Variants in LIN28B observed in about 807,000 individuals in gnomAD.
LIN28B encodes the protein lin-28 RNA binding posttranscriptional regulator B, also known as protein lin-28 homolog B.
LIN28B carries 5 observed loss-of-function variants against 21.9 expected under a neutral mutation model. That is an observed-to-expected ratio of 0.23 (90% CI 0.12 to 0.48). LIN28B has a LOEUF of 0.48. LIN28B is among the 20% of genes least tolerant of loss of function. LIN28B has a pLI of 0.98. For synonymous variants in LIN28B, 109 were observed against 111.3 expected (o/e 0.98, Z 0.13); for missense variants, 245 against 310.5 (o/e 0.79, Z 1.58).
chr6:104,957,377 C>T (rs1778306227), intron 1 of LIN28B, 117 bp downstream of exon 1: 3 of 523,120 alleles, frequency 5.7e-6, no homozygotes, highest in South Asian at 2.0e-5. Flanking sequence ...CAATACTGGG[C>T]ATTACCTCCC....
chr6:105,050,016 T>C (rs1266223906), intron 3 of LIN28B, among the ~76,000 whole-genome samples: 1 of 152,186 alleles, frequency 6.6e-6, no homozygotes, highest in Non-Finnish European at 1.5e-5. Context: ...AGGTTAATAT[T>C]GTTATGTGTG....
At chr6:104,939,811 G>A (rs766033822) in intron 2 of LIN28B, among the ~76,000 whole-genome samples, 33 of 152,108 alleles carry the variant, frequency 2.2e-4, no homozygotes, top group Non-Finnish European at 4.4e-4. Flanking sequence ...AGATTACAAG[G>A]CGATATTCGA....
intron 2 of LIN28B, chr6:104,940,803 T>A (rs1778075751): frequency 6.6e-6 from 1 of 151,174 alleles, no homozygotes; most frequent in South Asian, 2.1e-4. Flanking sequence ...CGCCCGGCTG[T>A]TCCGCGTCCC....
intron 3 of LIN28B, among the ~76,000 whole-genome samples, chr6:105,057,010 C>G (rs949695993): frequency 6.6e-6 from 1 of 152,156 alleles, no homozygotes; most frequent in Non-Finnish European, 1.5e-5. Context: ...TAGCTGTAGA[C>G]CACAGAAGAG....
chr6:105,023,592 A>T (rs187150974), intron 2 of LIN28B, among the ~76,000 whole-genome samples: 882 of 1,668 alleles, frequency 0.53, 260 homozygotes, highest in Middle Eastern at 1. Flanking sequence ...TATTATATAT[A>T]TTATATATAT....
intron 2 of LIN28B, among the ~76,000 whole-genome samples, chr6:105,015,092 AGTT>A (rs764013637): frequency 2.6e-5 from 4 of 152,026 alleles, no homozygotes; most frequent in African/African-American, 7.2e-5. Context: ...TTTTTCCCCC[AGTT>A]GTTCTGTTAA....
intron 1 of LIN28B, 27 bp from the exon 2 acceptor site, chr6:104,958,072 T>C (rs765526588): frequency 2.7e-6 from 4 of 1,500,542 alleles, no homozygotes; most frequent in Admixed American, 1.8e-5. Flanking sequence ...GAATACAGAC[T>C]GACTTTTTTG....
intron 2 of LIN28B, among the ~76,000 whole-genome samples, chr6:104,945,155 A>G (rs767002560): frequency 6.6e-6 from 1 of 152,128 alleles, no homozygotes; most frequent in African/African-American, 2.4e-5. Context: ...TGTGGATTTA[A>G]CATTTTAGAA....
intron 3 of LIN28B, among the ~76,000 whole-genome samples, chr6:105,047,712 TCTC>T (rs1263294722): frequency 6.6e-6 from 1 of 152,194 alleles, no homozygotes; most frequent in Non-Finnish European, 1.5e-5. Flanking sequence ...GGTTTGTAGT[TCTC>T]CTTGAAGAGG....
intron 3 of LIN28B, among the ~76,000 whole-genome samples, chr6:105,056,726 T>A (rs1269879025): frequency 6.6e-6 from 1 of 152,208 alleles, no homozygotes; most frequent in Non-Finnish European, 1.5e-5. Context: ...TTTGCACAGA[T>A]CTCTTCTCTC....
chr6:105,008,940 T>C (rs149808144), intron 2 of LIN28B, among the ~76,000 whole-genome samples: 1 of 152,226 alleles, frequency 6.6e-6, no homozygotes, highest in Non-Finnish European at 1.5e-5. Context: ...AACAAGTTAT[T>C]ATAATAAGGC....
intron 2 of LIN28B, among the ~76,000 whole-genome samples, chr6:105,011,926 G>A (rs183709131): frequency 5.6e-4 from 86 of 152,268 alleles, no homozygotes; most frequent in Admixed American, 4.3e-3. Context: ...TTAGGAGGCC[G>A]AGGCAGGCAG....
At chr6:105,027,865 G>T (rs1399784791) in intron 3 of LIN28B, among the ~76,000 whole-genome samples, 1 of 152,046 alleles carries the variant, frequency 6.6e-6, no homozygotes, top group Non-Finnish European at 1.5e-5. Context: ...AGTTATCTCT[G>T]TAGCACTTGT....
chr6:104,977,331 C>A (rs1438356857), intron 2 of LIN28B, among the ~76,000 whole-genome samples: 1 of 152,180 alleles, frequency 6.6e-6, no homozygotes, highest in East Asian at 1.9e-4. Context: ...TCATTGTCAT[C>A]CTTCAGAACC....
At chr6:105,000,759 C>G (rs778772317) in intron 2 of LIN28B, among the ~76,000 whole-genome samples, 8 of 152,084 alleles carry the variant, frequency 5.3e-5, no homozygotes, top group Non-Finnish European at 1.2e-4. Context: ...GCCAGTTGTT[C>G]TAAGCAGTTG....
At chr6:105,017,611 C>G (rs1350354910) in intron 2 of LIN28B, among the ~76,000 whole-genome samples, 1 of 151,916 alleles carries the variant, frequency 6.6e-6, no homozygotes, top group African/African-American at 2.4e-5. Flanking sequence ...CAGCTGGAGC[C>G]CATTATTCTA....
intron 2 of LIN28B, among the ~76,000 whole-genome samples, chr6:104,969,218 G>A (rs554414286): frequency 2.6e-5 from 4 of 151,992 alleles, no homozygotes; most frequent in East Asian, 1.9e-4. Flanking sequence ...AAAAATTTTC[G>A]TTGAATACTC....
intron 2 of LIN28B, among the ~76,000 whole-genome samples, chr6:104,960,595 TAC>T (rs1769719452): frequency 6.6e-6 from 1 of 152,050 alleles, no homozygotes; most frequent in South Asian, 2.1e-4. Flanking sequence ...TGTTTGGAAG[TAC>T]ATGTGTCACT....
intron 2 of LIN28B, among the ~76,000 whole-genome samples, chr6:105,003,401 G>T (rs1331476392): frequency 1.3e-5 from 2 of 152,180 alleles, no homozygotes; most frequent in South Asian, 2.1e-4. Context: ...TAGAAAGTTT[G>T]GGGCAGAGGT....
Sources: allele counts gnomAD v4.1 joint callset (sites outside exome capture counted in the v4.1 genomes callset), GRCh38; gene constraint gnomAD v4.1.1; transcripts MANE v1.5; gene names NCBI Gene and HGNC (gene_info 2026-07-23, HGNC 2026-07-21).